The following C10orf71 variants were observed in gnomAD, a reference collection of about 807,000 sequenced individuals.
C10orf71 encodes the protein cardiac-enriched FHL2-interacting protein.
For missense variants in C10orf71, 1,869 were observed against 1,804.5 expected (o/e 1.04, Z -0.65); for synonymous variants, 758 against 726.3 (o/e 1.04, Z -0.70).
At chr10:49,321,950 T>C (rs1433067627) in intron 2 of C10orf71, among the ~76,000 whole-genome samples, 4 of 152,258 alleles carry the variant, frequency 2.6e-5, no homozygotes, top group Non-Finnish European at 4.4e-5. Flanking sequence ...TGTAGGAGTT[T>C]CTCATGTATT....
In C10orf71 at chr10:49,324,644, G is replaced by A. The variant is rs1231808320; in HGVS notation, c.2099G>A (p.Gly700Glu). 3 of 1,613,534 alleles carry A rather than the reference G, an allele frequency of 1.9e-6. No homozygotes were observed. The highest frequency in any genetic ancestry group is 2.7e-5 in the African/African-American group (2 of 74,906). The change falls in exon 3 of 3, where the codon GGG becomes GAG. Residue 700 changes from glycine to glutamate, a missense_variant. Gly to Glu is a moderately conservative substitution (Grantham distance 98). Transcript: ENST00000374144. ...NTHLNQKFFPGPLSPEEEDVF... is the reference protein window; with the variant it reads ...NTHLNQKFFPEPLSPEEEDVF... ...CATTTGAACCAGAAATTCTTCCCAG[G>A]GCCCCTCTCTCCTGAGGAGGAAGAT...
rs574463695 is a variant in C10orf71, at chr10:49,310,420, G to A, written c.-247-5725G>A. On this transcript the variant is annotated intron_variant, in intron 1 of 2. Coordinates refer to ENST00000374144, the MANE Select transcript of C10orf71 (RefSeq NM_001135196.2). ...AGGAAGCCTGAATCCACAGGCCAGA[G>A]GTTCAGGGTTTCCTCCTGGAGAAAG... Among the ~76,000 whole-genome samples, 14 of 152,330 alleles carry A rather than the reference G, an allele frequency of 9.2e-5. No individual in the cohort carries two copies. In the East Asian group the frequency reaches 2.3e-3, roughly 25 times the overall value.
chr10:49,319,019 T>C (rs11101086), intron 2 of C10orf71, among the ~76,000 whole-genome samples: 15,379 of 152,220 alleles, frequency 0.1, 969 homozygotes, highest in Admixed American at 0.14. Flanking sequence ...GAGCATAGCC[T>C]GCTCAGCTCT....
Position 49,314,455 on chromosome 10 carries a change from A to G in C10orf71, c.-247-1690A>G, listed in dbSNP as rs188003635. Among the ~76,000 whole-genome samples the G allele has an allele frequency of 3.3e-5, 5 of 152,348 alleles. No homozygotes were observed. The East Asian group carries it at 9.7e-4, about 29-fold the overall frequency. On this transcript the variant is annotated intron_variant, in intron 1 of 2. Transcript: ENST00000374144. ...TATGAGCAAGAATTTTCACCAGTTC[A>G]GAGTGGCTTCCTTCAAATGGTTCAA...
At chr10:49,308,025 T>G (rs1294089913) in intron 1 of C10orf71, among the ~76,000 whole-genome samples, 2 of 152,110 alleles carry the variant, frequency 1.3e-5, no homozygotes, top group Admixed American at 1.3e-4. Context: ...GAATGACCCA[T>G]CCAGACATGG....
chr10:49,309,507 G>T (rs1381229559), intron 1 of C10orf71, among the ~76,000 whole-genome samples: 1 of 152,128 alleles, frequency 6.6e-6, no homozygotes, highest in Admixed American at 6.5e-5. Context: ...AGTAAATGTC[G>T]ATTTTAAGCC....
intron 1 of C10orf71, among the ~76,000 whole-genome samples, chr10:49,309,919 T>A (rs900638442): frequency 1.3e-5 from 2 of 152,252 alleles, no homozygotes; most frequent in African/African-American, 4.8e-5. Context: ...ACTGTCTTCC[T>A]GTTTCCCCTT....
chr10:49,312,549 T>G (rs1051247334), intron 1 of C10orf71, among the ~76,000 whole-genome samples: 1 of 152,218 alleles, frequency 6.6e-6, no homozygotes, highest in African/African-American at 2.4e-5. Context: ...AACAAAAGTT[T>G]GCTGGACGCT....
chr10:49,324,728 T>G lies in C10orf71; in HGVS notation c.2183T>G (p.Phe728Cys). 12 of 1,581,054 alleles carry G rather than the reference T, an allele frequency of 7.6e-6. No individual in the cohort carries two copies. Among genetic ancestry groups the G allele is most frequent in the Non-Finnish European group, 1.0e-5 (12 of 1,161,260 alleles). Residue 728 changes from phenylalanine to cysteine, a missense_variant, in exon 3 of 3, where the codon TTC (phenylalanine) becomes TGC (cysteine). Transcript: ENST00000374144. Reference protein sequence around the residue: ...FMPSLKGKAKFSTSSSDQSFA... With the variant: ...FMPSLKGKAKCSTSSSDQSFA... ...CCAAGCCTCAAAGGTAAGGCCAAATTCAGCACCAGCTCTTCAGATCAATCC... is the reference window on the plus strand; with the variant it reads ...CCAAGCCTCAAAGGTAAGGCCAAATGCAGCACCAGCTCTTCAGATCAATCC...
rs1292918477 is a variant in C10orf71, at chr10:49,324,819, G to A, written c.2274G>A (p.Lys758=). The change falls in exon 3 of 3, where the codon AAG becomes AAA. Residue 758 remains lysine, a synonymous_variant. Transcript: ENST00000374144. Reference sequence around the variant, plus strand: ...AGAACCAGCGGGAAGACAGGAGGAAGGATGTGAGTGCAGGTGACAGTCAGA... The same window carrying A: ...AGAACCAGCGGGAAGACAGGAGGAAAGATGTGAGTGCAGGTGACAGTCAGA... ...FTENQREDRR[K]DVSAGDSQKD... is the part of the protein sequence containing the mutation. The A allele has an allele frequency of 3.2e-5, 49 of 1,551,972 alleles. No individual in the cohort carries two copies. The highest frequency in any genetic ancestry group is 4.1e-5 in the African/African-American group (3 of 73,058).
At chr10:49,298,063 A>G (rs1564679963), upstream of C10orf71, among the ~76,000 whole-genome samples, 1 of 152,212 alleles carries the variant, frequency 6.6e-6, no homozygotes, top group Non-Finnish European at 1.5e-5. Context: ...GGTTTAGACA[A>G]AAGTACATAG....
rs2132448686 is a variant in C10orf71 at position 49,327,303 on chromosome 10, G to A, written c.*450G>A. On this transcript the variant is annotated 3_prime_UTR_variant, in exon 3 of 3. Transcript: ENST00000374144. ...GCAAACCCCTAAGGCCCCCAGCTCA[G>A]ACTCAGCAGGCATTCAGGTCAACTC... 1 of 261,864 alleles carries A rather than the reference G, an allele frequency of 3.8e-6. No homozygotes were observed. The highest frequency in any genetic ancestry group is 8.1e-6 in the Non-Finnish European group (1 of 122,706). 16.2% of individuals were successfully genotyped at this position (261,864 alleles called of 1,614,324 possible).
intron 1 of C10orf71, among the ~76,000 whole-genome samples, chr10:49,315,708 A>G (rs1408919360): frequency 1.3e-5 from 2 of 152,212 alleles, no homozygotes; most frequent in African/African-American, 2.4e-5. Context: ...GAGCTCAAGT[A>G]TGGATTGTTT....
chr10:49,324,027 C>T lies in C10orf71; in HGVS notation c.1482C>T (p.Ser494=), dbSNP rs1431580479. 2 of 1,613,664 alleles carry T rather than the reference C, an allele frequency of 1.2e-6. No individual in the cohort carries two copies. The highest frequency in any genetic ancestry group is 1.7e-6 in the Non-Finnish European group (2 of 1,179,724). Reference sequence around the variant, plus strand: ...GTCAGTCTCGAGACAGCTACAAGTCCAAAGCCCCTAGCCTGCTGTTCAACC... The same window carrying T: ...GTCAGTCTCGAGACAGCTACAAGTCTAAAGCCCCTAGCCTGCTGTTCAACC... ...SECQSRDSYK[S]KAPSLLFNLK... Residue 494 remains serine, a synonymous_variant, in exon 3 of 3, where the codon TCC becomes TCT. Coordinates refer to ENST00000374144, the MANE Select transcript of C10orf71 (RefSeq NM_001135196.2).
At chr10:49,315,760 T>C (rs1292926106) in intron 1 of C10orf71, among the ~76,000 whole-genome samples, 2 of 152,234 alleles carry the variant, frequency 1.3e-5, no homozygotes, top group East Asian at 3.8e-4. Context: ...TAACTGACAT[T>C]TAAAGATACT....
chr10:49,298,753 T>G (rs2132389534), upstream of C10orf71: 1 of 152,354 alleles, frequency 6.6e-6, no homozygotes, highest in African/African-American at 2.4e-5. Flanking sequence ...CAGCCTGGCC[T>G]TCCCCTAGCT....
intron 1 of C10orf71, among the ~76,000 whole-genome samples, chr10:49,311,320 C>A (rs1489869371): frequency 1.3e-5 from 2 of 152,190 alleles, no homozygotes; most frequent in Non-Finnish European, 2.9e-5. Flanking sequence ...ACCTGGGACA[C>A]ATGAGGGTCT....
At chr10:49,300,146 A>T (rs1310893322) in intron 1 of C10orf71, among the ~76,000 whole-genome samples, 1 of 152,220 alleles carries the variant, frequency 6.6e-6, no homozygotes, top group Non-Finnish European at 1.5e-5. Flanking sequence ...TAGCTCCCTA[A>T]GTATAGGAAC....
At chr10:49,319,695 T>C (rs11596312) in intron 2 of C10orf71, among the ~76,000 whole-genome samples, 5 of 15,696 alleles carry the variant, frequency 3.2e-4, no homozygotes, top group Non-Finnish European at 4.6e-4. Context: ...TATATATATA[T>C]ATATATATAT....
Sources: gnomAD v4.1 joint callset for allele counts (sites outside exome capture counted in the v4.1 genomes callset) on GRCh38, gnomAD v4.1.1 for gene constraint, MANE v1.5 for transcripts, NCBI Gene and HGNC (gene_info 2026-07-23, HGNC 2026-07-21) for gene names.